MEMO1: variants seen among roughly 807,000 people sequenced by gnomAD.
The protein encoded by MEMO1 is protein MEMO1.
MEMO1 carries 6 observed loss-of-function variants against 45.2 expected under a neutral mutation model. That is an observed-to-expected ratio of 0.13 (90% CI 0.07 to 0.26). MEMO1 has a LOEUF of 0.26. MEMO1 is among the 10% of genes least tolerant of loss of function. The pLI, the probability that MEMO1 is intolerant of heterozygous loss-of-function variation, is 1.00. For missense variants in MEMO1, 184 were observed against 370.5 expected (o/e 0.50, Z 4.13); for synonymous variants, 78 against 124.3 (o/e 0.63, Z 2.48).
chr2:31,898,217 C>T (rs1417075531), intron 6 of MEMO1, among the ~76,000 whole-genome samples: 8 of 152,088 alleles, frequency 5.3e-5, no homozygotes, highest in Non-Finnish European at 8.8e-5. Context: ...CTATCTCCTT[C>T]AGTTCTACTC....
chr2:31,893,489 T>A (rs906094839), intron 6 of MEMO1, among the ~76,000 whole-genome samples: 1 of 152,190 alleles, frequency 6.6e-6, no homozygotes, highest in Non-Finnish European at 1.5e-5. Context: ...TAACCTCAAC[T>A]ACTACCTACA....
At chr2:31,987,504 T>C (rs1009613873) in intron 2 of MEMO1, among the ~76,000 whole-genome samples, 6 of 152,248 alleles carry the variant, frequency 3.9e-5, no homozygotes, top group African/African-American at 1.2e-4. Context: ...GTAAATATTA[T>C]TTAATACACA....
chr2:32,001,386 C>G (rs929101370), intron 2 of MEMO1, among the ~76,000 whole-genome samples: 3 of 151,810 alleles, frequency 2.0e-5, no homozygotes, highest in Non-Finnish European at 4.4e-5. Flanking sequence ...TAGGACTAGC[C>G]TAATTAAAAT....
intron 2 of MEMO1, among the ~76,000 whole-genome samples, chr2:32,001,808 G>C (rs140566192): frequency 1.8e-4 from 27 of 152,200 alleles, no homozygotes; most frequent in Non-Finnish European, 3.1e-4. Context: ...ATAAAGACTT[G>C]CCTGCATTAC....
intron 3 of MEMO1, among the ~76,000 whole-genome samples, chr2:31,938,879 CG>C (rs1318508713): frequency 3.3e-5 from 5 of 150,932 alleles, no homozygotes; most frequent in African/African-American, 1.2e-4. Context: ...CCCAACCTCC[CG>C]GGCTCAAGTG....
intron 8 of MEMO1, among the ~76,000 whole-genome samples, chr2:31,880,854 A>AAAAAAT (rs751009030): frequency 4.6e-5 from 7 of 151,966 alleles, no homozygotes; most frequent in Non-Finnish European, 8.8e-5. Flanking sequence ...CCCCATCTCT[A>AAAAAAT]AAAAATAAAA....
At chr2:31,973,562 T>C (rs1156993852) in intron 2 of MEMO1, among the ~76,000 whole-genome samples, 1 of 152,210 alleles carries the variant, frequency 6.6e-6, no homozygotes, top group Non-Finnish European at 1.5e-5. Flanking sequence ...GAACAGTCTT[T>C]TGAAATGTCC....
intron 6 of MEMO1, among the ~76,000 whole-genome samples, chr2:31,900,885 C>G (rs1260613335): frequency 6.6e-6 from 1 of 152,082 alleles, no homozygotes; most frequent in Non-Finnish European, 1.5e-5. Flanking sequence ...TTGGAAAACA[C>G]TTTGGTAGTT....
At chr2:31,994,022 A>G (rs1049289880) in intron 2 of MEMO1, among the ~76,000 whole-genome samples, 3 of 126,162 alleles carry the variant, frequency 2.4e-5, no homozygotes, top group Admixed American at 1.0e-4. Context: ...GTGCAGTGAC[A>G]TGATCTCGGC....
intron 8 of MEMO1, among the ~76,000 whole-genome samples, chr2:31,874,571 TAGTA>T (rs1214443013): frequency 6.6e-6 from 1 of 152,064 alleles, no homozygotes; most frequent in Non-Finnish European, 1.5e-5. Flanking sequence ...TAACTATATT[TAGTA>T]ATAGTTTTCA....
chr2:31,915,718 G>A (rs917648488), intron 6 of MEMO1, among the ~76,000 whole-genome samples: 4 of 152,154 alleles, frequency 2.6e-5, no homozygotes, highest in African/African-American at 9.7e-5. Context: ...ACACAGGAGT[G>A]ATGCTATCTG....
chr2:31,905,975 AT>A (rs964543084), intron 6 of MEMO1, among the ~76,000 whole-genome samples: 124 of 144,026 alleles, frequency 8.6e-4, no homozygotes, highest in Non-Finnish European at 9.7e-4. Flanking sequence ...TTTTTTCTTT[AT>A]TTTTTTTTTT....
At chr2:31,923,303 C>G (rs1558506132) in intron 4 of MEMO1, among the ~76,000 whole-genome samples, 1 of 152,116 alleles carries the variant, frequency 6.6e-6, no homozygotes, top group Non-Finnish European at 1.5e-5. Flanking sequence ...CCTTTGCCCT[C>G]TTTTCAACTG....
chr2:32,004,307 G>A (rs1673776209), intron 2 of MEMO1, among the ~76,000 whole-genome samples: 1 of 151,636 alleles, frequency 6.6e-6, no homozygotes, highest in South Asian at 2.1e-4. Context: ...AGAACTAGAA[G>A]TCAATATGAA....
At chr2:31,905,094 G>T (rs926291748) in intron 6 of MEMO1, among the ~76,000 whole-genome samples, 1 of 152,018 alleles carries the variant, frequency 6.6e-6, no homozygotes, top group African/African-American at 2.4e-5. Context: ...ATTGGCCAGG[G>T]GTGGGGGTGC....
intron 6 of MEMO1, among the ~76,000 whole-genome samples, chr2:31,901,670 G>T (rs1678840608): frequency 6.6e-6 from 1 of 152,098 alleles, no homozygotes; most frequent in Admixed American, 6.5e-5. Context: ...ACTTTGGGAG[G>T]CTGAGGCGGG....
chr2:31,882,325 A>G (rs1173503023), intron 8 of MEMO1, among the ~76,000 whole-genome samples: 1 of 152,210 alleles, frequency 6.6e-6, no homozygotes, highest in Non-Finnish European at 1.5e-5. Flanking sequence ...TCTTAAAAAA[A>G]GGAAAAAAGA....
intron 9 of MEMO1, among the ~76,000 whole-genome samples, chr2:31,869,464 G>C (rs370738686): frequency 6.6e-6 from 1 of 151,988 alleles, no homozygotes; most frequent in Non-Finnish European, 1.5e-5. Context: ...AACATTTAAA[G>C]TTTAAGAGCA....
Position 31,869,915 on chromosome 2 carries a change from A to T in MEMO1, c.695T>A (p.Phe232Tyr). 1 of 1,587,888 alleles carries T rather than the reference A, an allele frequency of 6.3e-7. No individual in the cohort carries two copies. Residue 232 changes from phenylalanine (F) to tyrosine (Y), a missense_variant, in exon 9 of 10, where the codon TTT (phenylalanine) becomes TAT (tyrosine). By Grantham distance (22) the Phe-to-Tyr change is conservative. Around this residue, in one of 3 missense-constraint regions of MEMO1, gnomAD observed 97 missense variants for 209.3 expected, o/e 0.46. Transcript: ENST00000404530. ...SIIEQLDPVS[F>Y]SNYLKKYHNT... The stretch of plus-strand genomic sequence containing the variant: ...ATGGTATTTCTTCAAGTAATTGCTA[A>T]AAGATACAGGGTCTAATTGTTCTAT...
Sources: allele counts gnomAD v4.1 joint callset (sites outside exome capture counted in the v4.1 genomes callset), GRCh38; gene constraint gnomAD v4.1.1; regional missense constraint gnomAD v4.1.1; transcripts MANE v1.5; gene names NCBI Gene and HGNC (gene_info 2026-07-23, HGNC 2026-07-21).